Variants in MAPT observed in about 807,000 individuals in gnomAD.
MAPT encodes microtubule associated protein tau, also known as microtubule-associated protein tau.
Under a neutral mutation model 67.9 loss-of-function variants are expected in MAPT, and 34 were observed. That is an observed-to-expected ratio of 0.50 (90% CI 0.38 to 0.67). MAPT has a LOEUF of 0.67. MAPT is among the 30% of genes least tolerant of loss of function. The pLI is 0.00. For missense variants in MAPT, 881 were observed against 1,115.2 expected (o/e 0.79, Z 2.99); for synonymous variants, 456 against 464.5 (o/e 0.98, Z 0.23).
Position 46,010,324 on chromosome 17 carries a change from TAAG to T in MAPT, c.2017_2019del (p.Lys673del), listed in dbSNP as rs63750688. 1.3e-5 allele frequency: 21 copies of T among 1,574,172 alleles called. No individual in the cohort carries two copies. Among genetic ancestry groups the T allele is most frequent in the Admixed American group, 5.5e-5 (3 of 54,062 alleles). On this transcript the variant is annotated inframe_deletion, in exon 10 of 13. Coordinates refer to ENST00000262410, the MANE Select transcript of MAPT (RefSeq NM_001377265.1). This position sits in a 1 kb window ranked among gnomAD's most constrained non-coding sequence, Gnocchi z 4.7. ...GGCTACCAAAGGTGCAGATAATTAA[TAAG>T]AAGCTGGATCTTAGCAACGTCCAGT...
At chr17:45,990,403 C>T (rs1357850502) in intron 7 of MAPT, 2 of 448,510 alleles carry the variant, frequency 4.5e-6, no homozygotes, top group Admixed American at 3.0e-5. Flanking sequence ...CACCTGAGAT[C>T]AGGAGTTCGA....
chr17:45,923,843 G>A (rs1169472388), intron 1 of MAPT, among the ~76,000 whole-genome samples: 1 of 152,158 alleles, frequency 6.6e-6, no homozygotes, highest in African/African-American at 2.4e-5. Context: ...GGTCCTAACT[G>A]CATGAATTTG....
chr17:45,968,791 G>A (rs2071348081), intron 2 of MAPT, among the ~76,000 whole-genome samples: 1 of 152,208 alleles, frequency 6.6e-6, no homozygotes. Context: ...TTCAACCAAG[G>A]TGACATGATA....
chr17:45,970,591 AC>A (rs1345250311), intron 2 of MAPT, among the ~76,000 whole-genome samples: 5 of 152,258 alleles, frequency 3.3e-5, no homozygotes, highest in Non-Finnish European at 5.9e-5. Context: ...AGGTGCTTTT[AC>A]CAACATTCAC....
intron 1 of MAPT, among the ~76,000 whole-genome samples, chr17:45,956,579 TATATATATATATATATATATA>T (rs1568230792): frequency 0.016 from 120 of 7,398 alleles, 3 homozygotes; most frequent in Admixed American, 0.1. Flanking sequence ...TATATATATA[TATATATATATATATATATATA>T]TTTTTTATTA....
At position 45,991,639 on chromosome 17, in the gene MAPT, C is replaced by T. The variant is rs1447289143; in HGVS notation, c.1732+53C>T. 1.2e-5 allele frequency: 19 copies of T among 1,613,708 alleles called. No individual in the cohort carries two copies. The Admixed American group carries it at 1.5e-4, about 13-fold the overall frequency. ...GAGGAAGCTGAAGCTCTCAGAGGTACAGCCTTCATTTTAGGAGGCCTTAGG... is the reference window on the plus strand; with the variant it reads ...GAGGAAGCTGAAGCTCTCAGAGGTATAGCCTTCATTTTAGGAGGCCTTAGG... On this transcript the variant is annotated intron_variant, in intron 8 of 12. Coordinates refer to ENST00000262410, the MANE Select transcript of MAPT (RefSeq NM_001377265.1).
intron 1 of MAPT, among the ~76,000 whole-genome samples, chr17:45,960,965 G>A (rs770639400): frequency 2.6e-5 from 4 of 152,246 alleles, no homozygotes; most frequent in Non-Finnish European, 2.9e-5. Context: ...TGTCCACCAT[G>A]TTCCAAGAGA....
intron 9 of MAPT, among the ~76,000 whole-genome samples, chr17:45,997,495 C>T (rs1004182014): frequency 6.6e-6 from 1 of 152,216 alleles, no homozygotes; most frequent in Non-Finnish European, 1.5e-5. Flanking sequence ...CGTAGTGGCT[C>T]ACGCCTATAA....
intron 1 of MAPT, among the ~76,000 whole-genome samples, chr17:45,924,687 A>G (rs540266503): frequency 6.6e-6 from 1 of 152,198 alleles, no homozygotes; most frequent in African/African-American, 2.4e-5. Flanking sequence ...GCTCCTGCCC[A>G]CTTGGAATAG....
At chr17:45,953,958 G>A (rs1264290338) in intron 1 of MAPT, among the ~76,000 whole-genome samples, 6 of 152,168 alleles carry the variant, frequency 3.9e-5, no homozygotes, top group Admixed American at 3.9e-4. Flanking sequence ...TGAGAATATA[G>A]GAGGTGATCG....
intron 4 of MAPT, 145 bp downstream of exon 4, chr17:45,978,585 G>T: frequency 1.5e-6 from 1 of 652,726 alleles, no homozygotes; most frequent in Admixed American, 2.8e-5. Context: ...TCAAAGGTTG[G>T]CTACTCAGAT....
Position 45,989,923 on chromosome 17 carries a change from C to G in MAPT, c.1453C>G (p.Leu485Val). ...TAAAACCTTGAAAAATAGGCCTTGCCTTAGCCCCAAACACCCCACTCCTGG... is the reference window on the plus strand; with the variant it reads ...TAAAACCTTGAAAAATAGGCCTTGCGTTAGCCCCAAACACCCCACTCCTGG... Reference protein sequence around the residue: ...SAKTLKNRPCLSPKHPTPGSS... With the variant: ...SAKTLKNRPCVSPKHPTPGSS... The change falls in exon 7 of 13, where the codon CTT becomes GTT. Residue 485 changes from leucine (L) to valine (V), a missense_variant. By Grantham distance (32) the Leu-to-Val change is conservative (BLOSUM62 1). This residue lies in a region of MAPT where 687 missense variants were observed against 766.1 expected (regional missense o/e 0.90). Coordinates refer to ENST00000262410, the MANE Select transcript of MAPT (RefSeq NM_001377265.1). The G allele has an allele frequency of 1.2e-6, 2 of 1,614,146 alleles. No homozygotes were observed. The highest frequency in any genetic ancestry group is 1.7e-6 in the Non-Finnish European group (2 of 1,180,028).
chr17:45,998,425 G>T (rs1350232984), intron 9 of MAPT, among the ~76,000 whole-genome samples: 1 of 152,202 alleles, frequency 6.6e-6, no homozygotes, highest in Non-Finnish European at 1.5e-5. Context: ...AGACTCGGCT[G>T]TGCCCCAGAG....
intron 1 of MAPT, among the ~76,000 whole-genome samples, chr17:45,935,937 T>C (rs981598129): frequency 2.0e-5 from 3 of 152,208 alleles, no homozygotes; most frequent in Non-Finnish European, 2.9e-5. Flanking sequence ...CACTTGGGGC[T>C]CAGGACAATC....
chr17:45,962,507 T>A, intron 2 of MAPT, 37 bp downstream of exon 2: 1 of 1,611,106 alleles, frequency 6.2e-7, no homozygotes, highest in Non-Finnish European at 8.5e-7. Context: ...CCCAGATCAC[T>A]GCAAGCCAAG....
chr17:45,996,605 A>G lies in MAPT; in HGVS notation c.1939A>G (p.Asn647Asp). Residue 647 changes from asparagine to aspartate, a missense_variant, in exon 9 of 13, where the codon AAT becomes GAT. Asn to Asp is a conservative substitution (Grantham distance 23, BLOSUM62 1). Around this residue, in one of 6 missense-constraint regions of MAPT, gnomAD observed 45 missense variants for 43.2 expected, o/e 1.04. Transcript: ENST00000262410. The surrounding 1 kb of genome is among the most constrained non-coding windows in gnomAD (Gnocchi z 4.5). The part of the protein sequence containing the change: ...TAPVPMPDLK[N>D]VKSKIGSTEN... Reference sequence around the variant, plus strand: ...CCCCGTGCCCATGCCAGACCTGAAGAATGTCAAGTCCAAGATCGGCTCCAC... The same window carrying G: ...CCCCGTGCCCATGCCAGACCTGAAGGATGTCAAGTCCAAGATCGGCTCCAC... The G allele has an allele frequency of 6.2e-7, 1 of 1,613,876 alleles. No homozygotes were observed. The highest frequency in any genetic ancestry group is 1.1e-5 in the South Asian group (1 of 91,060).
intron 5 of MAPT, 28 bp from the exon 6 acceptor site, chr17:45,987,012 C>T: frequency 6.2e-7 from 1 of 1,603,026 alleles, no homozygotes; most frequent in Non-Finnish European, 8.5e-7. Context: ...TGGAGTGTGA[C>T]AAGCATTCTT....
At chr17:46,013,261 G>C (rs1256468169) in intron 10 of MAPT, among the ~76,000 whole-genome samples, 1 of 152,158 alleles carries the variant, frequency 6.6e-6, no homozygotes, top group Non-Finnish European at 1.5e-5. Context: ...TGGAGGCCCT[G>C]GGGACTCCAG....
rs1568326799 is a variant in MAPT at position 46,010,243 on chromosome 17, C to T, written c.1999-67C>T. 27 of 1,066,872 alleles carry T rather than the reference C, an allele frequency of 2.5e-5. No individual in the cohort carries two copies. Among genetic ancestry groups the T allele is most frequent in the Admixed American group, 4.0e-5 (2 of 50,102 alleles). 66.1% of individuals were successfully genotyped at this position (1,066,872 alleles called of 1,614,324 possible). A position where few individuals can be genotyped will look rare whatever the true frequency, so the allele number is the denominator to read the frequency against. On this transcript the variant is annotated intron_variant, in intron 9 of 12. Coordinates refer to ENST00000262410, the MANE Select transcript of MAPT (RefSeq NM_001377265.1). The surrounding 1 kb of genome is among the most constrained non-coding windows in gnomAD (Gnocchi z 4.7). ...GCATGTCACTCATCGAAAGTGGAGG[C>T]GTCCTTGCGAGCAAGCAGGCGGGTC...
Sources: gnomAD v4.1 joint callset for allele counts (sites outside exome capture counted in the v4.1 genomes callset) on GRCh38, gnomAD v4.1.1 for gene constraint, gnomAD v4.1.1 regional missense constraint, Gnocchi (gnomAD v3.1) non-coding constraint, MANE v1.5 for transcripts, NCBI Gene and HGNC (gene_info 2026-07-23, HGNC 2026-07-21) for gene names.